UTRN: variants seen among roughly 807,000 people sequenced by gnomAD.
UTRN encodes utrophin.
Under a neutral mutation model 463.9 loss-of-function variants are expected in UTRN, and 283 were observed. The observed-to-expected ratio is 0.61, with a 90% CI of 0.55 to 0.67. The LOEUF (loss-of-function observed/expected upper bound fraction) is 0.67. Among genes scored for constraint, UTRN ranks in the 30% least tolerant of loss-of-function variants. The pLI is 0.00. For missense variants in UTRN, 3,922 were observed against 4,084.3 expected (o/e 0.96, Z 1.08); for synonymous variants, 1,442 against 1,431.5 (o/e 1.01, Z -0.17).
At chr6:144,434,503 T>A (rs952150736) in intron 9 of UTRN, among the ~76,000 whole-genome samples, 2 of 152,068 alleles carry the variant, frequency 1.3e-5, no homozygotes. Context: ...GTTGGAGAAG[T>A]CTGAGGAGGA....
intron 64 of UTRN, among the ~76,000 whole-genome samples, chr6:144,800,175 T>C (rs1389205433): frequency 6.6e-6 from 1 of 152,066 alleles, no homozygotes; most frequent in Non-Finnish European, 1.5e-5. Flanking sequence ...AAGGAGAGGA[T>C]AAAATACTCT....
intron 17 of UTRN, among the ~76,000 whole-genome samples, 173 bp downstream of exon 17, chr6:144,448,942 A>G (rs1787971766): frequency 6.6e-6 from 1 of 152,172 alleles, no homozygotes; most frequent in African/African-American, 2.4e-5. Flanking sequence ...TGAATATTCT[A>G]CTTGGCACTA....
intron 23 of UTRN, among the ~76,000 whole-genome samples, chr6:144,467,131 C>A (rs1011164236): frequency 1.3e-5 from 2 of 152,230 alleles, no homozygotes; most frequent in African/African-American, 4.8e-5. Context: ...CCACTGTGAG[C>A]TGAGTCAGGT....
chr6:144,746,722 C>T (rs1410515679), intron 54 of UTRN, among the ~76,000 whole-genome samples: 2 of 152,146 alleles, frequency 1.3e-5, no homozygotes, highest in Non-Finnish European at 2.9e-5. Context: ...GGTGATCCAC[C>T]CACCTCAGCC....
chr6:144,351,511 G>A (rs1437811213), intron 2 of UTRN, among the ~76,000 whole-genome samples: 1 of 152,194 alleles, frequency 6.6e-6, no homozygotes, highest in Non-Finnish European at 1.5e-5. Context: ...GCAGTTGTGT[G>A]GAGGATATCT....
chr6:144,769,276 C>A (rs1793738813), intron 58 of UTRN, among the ~76,000 whole-genome samples: 1 of 151,686 alleles, frequency 6.6e-6, no homozygotes, highest in Non-Finnish European at 1.5e-5. Flanking sequence ...TTAACCCTCT[C>A]CCCCGACTTA....
chr6:144,553,668 A>C (rs1347496543), intron 48 of UTRN, among the ~76,000 whole-genome samples: 1 of 152,122 alleles, frequency 6.6e-6, no homozygotes, highest in Non-Finnish European at 1.5e-5. Flanking sequence ...TGTAATCCCA[A>C]CACTTTGGGA....
intron 51 of UTRN, among the ~76,000 whole-genome samples, chr6:144,647,944 TG>T (rs773003338): frequency 2.6e-5 from 4 of 152,244 alleles, no homozygotes; most frequent in Non-Finnish European, 5.9e-5. Context: ...GGGACCCTAT[TG>T]TTTAAATGAC....
chr6:144,457,645 G>C (rs1055355361), intron 19 of UTRN, among the ~76,000 whole-genome samples: 10 of 152,206 alleles, frequency 6.6e-5, no homozygotes, highest in African/African-American at 2.4e-4. Flanking sequence ...GTGGTGAACA[G>C]TGAACTTCTG....
chr6:144,839,159 G>A lies in UTRN; in HGVS notation c.10066-14G>A. On this transcript the variant is annotated splice_polypyrimidine_tract_variant and intron_variant, in intron 71 of 74. Coordinates refer to ENST00000367545, the MANE Select transcript of UTRN (RefSeq NM_007124.3). ...GAATCCTTTCTCTGCTTTAACCTCTGAATGTGGTTCCAGCCTGAATCTGAT... is the reference window on the plus strand; with the variant it reads ...GAATCCTTTCTCTGCTTTAACCTCTAAATGTGGTTCCAGCCTGAATCTGAT... 1.9e-6 allele frequency: 3 copies of A among 1,602,392 alleles called. No individual in the cohort carries two copies. The highest frequency in any genetic ancestry group is 2.6e-6 in the Non-Finnish European group (3 of 1,169,562).
intron 5 of UTRN, 116 bp downstream of exon 5, chr6:144,423,742 A>G (rs1785057248): frequency 1.6e-6 from 2 of 1,279,916 alleles, no homozygotes; most frequent in South Asian, 1.3e-5. Context: ...ATTTTTTCTT[A>G]TGAGAAATAC....
chr6:144,481,466 T>C lies in UTRN; in HGVS notation c.3508-743T>C, dbSNP rs75509675. On this transcript the variant is annotated intron_variant, in intron 26 of 74. Coordinates refer to ENST00000367545, the MANE Select transcript of UTRN (RefSeq NM_007124.3). Reference sequence around the variant, plus strand: ...GAAGGATACATGTGCCTATGTTCTATAATTTTTTAAAAAGCTTAAATTATT... The same window carrying C: ...GAAGGATACATGTGCCTATGTTCTACAATTTTTTAAAAAGCTTAAATTATT... Among the ~76,000 whole-genome samples, 110 of 152,372 alleles carry C rather than the reference T, an allele frequency of 7.2e-4. 1 individual carries two copies. In the East Asian group the frequency reaches 8.1e-3, roughly 11 times the overall value.
intron 1 of UTRN, among the ~76,000 whole-genome samples, chr6:144,290,082 T>G (rs1804073072): frequency 6.6e-6 from 1 of 152,234 alleles, no homozygotes. Context: ...TATGCTATTC[T>G]GTTTGAACTT....
At chr6:144,772,016 GTTTTTTTTTTTTTTTTTTTTT>G (rs748399313) in intron 59 of UTRN, 48 bp downstream of exon 59, 83 of 127,578 alleles carry the variant, frequency 6.5e-4, no homozygotes, top group Middle Eastern at 2.2e-3. Context: ...CTGAGAACCG[GTTTTTTTTTTTTTTTTTTTTT>G]TTTTTTTTTT....
intron 22 of UTRN, among the ~76,000 whole-genome samples, chr6:144,462,226 G>T (rs1007977498): frequency 5.3e-5 from 8 of 152,096 alleles, no homozygotes; most frequent in Admixed American, 3.9e-4. Flanking sequence ...CCATATACCT[G>T]CAAAGGACAT....
intron 53 of UTRN, among the ~76,000 whole-genome samples, chr6:144,704,978 C>A (rs952252980): frequency 6.6e-6 from 1 of 152,058 alleles, no homozygotes; most frequent in Non-Finnish European, 1.5e-5. Flanking sequence ...AACAAAAAAA[C>A]CCAAAAACAT....
chr6:144,689,795 T>G (rs1448924054), intron 52 of UTRN, among the ~76,000 whole-genome samples: 1 of 151,894 alleles, frequency 6.6e-6, no homozygotes, highest in East Asian at 1.9e-4. Flanking sequence ...AACGAACAGG[T>G]CACGTGGGCA....
chr6:144,824,614 C>CTCTTTTTTTTT (rs1315487327), intron 66 of UTRN, among the ~76,000 whole-genome samples: 1 of 30,878 alleles, frequency 3.2e-5, no homozygotes, highest in African/African-American at 1.1e-4. Context: ...ATATATATAT[C>CTCTTTTTTTTT]TTTTTTTTTT....
intron 2 of UTRN, among the ~76,000 whole-genome samples, chr6:144,395,934 T>A (rs1171565486): frequency 6.6e-6 from 1 of 152,072 alleles, no homozygotes; most frequent in Non-Finnish European, 1.5e-5. Flanking sequence ...ATGGTGAAAA[T>A]GTAAAATGAT....
Sources: gnomAD v4.1 joint callset for allele counts (sites outside exome capture counted in the v4.1 genomes callset) on GRCh38, gnomAD v4.1.1 for gene constraint, MANE v1.5 for transcripts, NCBI Gene and HGNC (gene_info 2026-07-23, HGNC 2026-07-21) for gene names.